Variants in ETNK1 observed in about 807,000 individuals in gnomAD.
The protein encoded by ETNK1 is putative protein product of Nbla10396.
A neutral mutation model predicts 45.1 loss-of-function variants in ETNK1; 8 were observed. The ratio of observed to expected loss-of-function variants is 0.18; its 90% CI spans 0.10 to 0.32. The LOEUF (loss-of-function observed/expected upper bound fraction) is 0.32. Among genes scored for constraint, ETNK1 ranks in the 10% least tolerant of loss-of-function variants. The probability of loss-of-function intolerance (pLI) is 1.00; values close to 1 mark genes in which losing one functional copy is unlikely to be tolerated. For synonymous variants in ETNK1, 152 were observed against 151.9 expected, an observed-to-expected ratio of 1.00 and a Z score of -0.01; for missense variants, 302 against 430.6, an observed-to-expected ratio of 0.70 and a Z score of 2.64.
intron 4 of ETNK1, among the ~76,000 whole-genome samples, chr12:22,663,663 G>A (rs529358128): frequency 1.3e-5 from 2 of 152,146 alleles, no homozygotes; most frequent in South Asian, 4.1e-4. Flanking sequence ...ATTTGTTTTT[G>A]TGCCAAGTTA....
At position 22,638,803 on chromosome 12, in the gene ETNK1, T is replaced by C. The variant is rs555438302; in HGVS notation, c.157-4960T>C. 3 of 152,312 alleles carry C rather than the reference T, an allele frequency of 2.0e-5. No individual in the cohort carries two copies. The South Asian group carries it at 6.2e-4, about 32-fold the overall frequency. 9.4% of individuals were successfully genotyped at this position (152,312 alleles called of 1,614,324 possible). ...GAGAGAATAAAATATTCATATATTA[T>C]CCAGAATCCGTATTTGCTTCATTTT... is the stretch of plus-strand genomic sequence containing the variant. On this transcript the variant is annotated intron_variant, in intron 1 of 7. Transcript: ENST00000266517.
At chr12:22,683,003 C>T (rs867764677) in intron 6 of ETNK1, among the ~76,000 whole-genome samples, 8 of 152,152 alleles carry the variant, frequency 5.3e-5, no homozygotes, top group Non-Finnish European at 1.2e-4. Context: ...CATTTTTAAT[C>T]ATTCTGGTTT....
chr12:22,627,530 G>C (rs1953518461), intron 1 of ETNK1, among the ~76,000 whole-genome samples: 1 of 152,106 alleles, frequency 6.6e-6, no homozygotes. Flanking sequence ...CAACTCAGTA[G>C]ATCTGGCTCC....
At chr12:22,652,680 C>A (rs1475348556) in intron 2 of ETNK1, among the ~76,000 whole-genome samples, 1 of 152,088 alleles carries the variant, frequency 6.6e-6, no homozygotes, top group Non-Finnish European at 1.5e-5. Context: ...CCTATTTTCT[C>A]ATGGGGTTGT....
chr12:22,678,230 C>T (rs142383515), intron 6 of ETNK1, among the ~76,000 whole-genome samples: 1 of 152,166 alleles, frequency 6.6e-6, no homozygotes. Flanking sequence ...TAAAAGGAAA[C>T]CCTGAATCTT....
intron 1 of ETNK1, among the ~76,000 whole-genome samples, chr12:22,640,809 T>G (rs1953726651): frequency 6.6e-6 from 1 of 152,202 alleles, no homozygotes; most frequent in Non-Finnish European, 1.5e-5. Context: ...ACTCTGGCTC[T>G]GTAGCTCATC....
At chr12:22,629,394 A>G (rs187615045) in intron 1 of ETNK1, among the ~76,000 whole-genome samples, 33 of 152,210 alleles carry the variant, frequency 2.2e-4, no homozygotes, top group African/African-American at 7.9e-4. Flanking sequence ...AAGCATATGT[A>G]TTCTATCATG....
At chr12:22,676,920 A>C (rs1407735330) in intron 6 of ETNK1, among the ~76,000 whole-genome samples, 1 of 151,888 alleles carries the variant, frequency 6.6e-6, no homozygotes, top group Non-Finnish European at 1.5e-5. Flanking sequence ...CCTTTGTCAC[A>C]TGGATGGATT....
chr12:22,655,045 C>T (rs1253638675), intron 2 of ETNK1, among the ~76,000 whole-genome samples: 2 of 152,236 alleles, frequency 1.3e-5, no homozygotes, highest in Non-Finnish European at 2.9e-5. Context: ...TCTCAGCTCA[C>T]TGAACCTCCC....
chr12:22,631,865 A>T (rs1183569286), intron 1 of ETNK1, among the ~76,000 whole-genome samples: 3 of 152,200 alleles, frequency 2.0e-5, no homozygotes, highest in Admixed American at 2.0e-4. Flanking sequence ...TTACTCTTTG[A>T]TATACCAGAT....
rs772584921 is a variant in ETNK1 at position 22,625,195 on chromosome 12, A to G, written c.-236A>G. 4.4e-6 allele frequency: 7 copies of G among 1,608,842 alleles called. No individual in the cohort carries two copies. On this transcript the variant is annotated 5_prime_UTR_variant, in exon 1 of 8. Transcript: ENST00000266517. ...TGCGGCCGCCCGCGGTCCAGCTCCGACAACAGGAATTTTCTCCGAGAGCGG... is the reference window on the plus strand; with the variant it reads ...TGCGGCCGCCCGCGGTCCAGCTCCGGCAACAGGAATTTTCTCCGAGAGCGG...
intron 1 of ETNK1, among the ~76,000 whole-genome samples, chr12:22,637,008 G>A (rs1953664198): frequency 6.6e-6 from 1 of 152,222 alleles, no homozygotes; most frequent in South Asian, 2.1e-4. Context: ...AGGGGATACA[G>A]TGGGACCATT....
chr12:22,677,720 T>C (rs1285960822), intron 6 of ETNK1, among the ~76,000 whole-genome samples: 1 of 152,234 alleles, frequency 6.6e-6, no homozygotes, highest in African/African-American at 2.4e-5. Flanking sequence ...GAAGAGGTCT[T>C]TCACATCCCT....
chr12:22,625,336 C>G lies in ETNK1; in HGVS notation c.-95C>G. 1.3e-6 allele frequency: 2 copies of G among 1,586,030 alleles called. No homozygotes were observed. The highest frequency in any genetic ancestry group is 1.7e-6 in the Non-Finnish European group (2 of 1,168,282). On this transcript the variant is annotated 5_prime_UTR_variant, in exon 1 of 8. Transcript: ENST00000266517. ...CCCCCAGCCCTCCCGCGAGGGCGCC[C>G]CGGGACGGAAGGATCCACCAGTCTG...
At chr12:22,658,706 C>G (rs2137554205) in intron 2 of ETNK1, among the ~76,000 whole-genome samples, 1 of 152,214 alleles carries the variant, frequency 6.6e-6, no homozygotes, top group African/African-American at 2.4e-5. Flanking sequence ...TTAAGAGTAA[C>G]ATCAAAGTAA....
intron 2 of ETNK1, 152 bp downstream of exon 2, chr12:22,644,174 C>T: frequency 1.3e-6 from 2 of 1,539,576 alleles, no homozygotes; most frequent in East Asian, 2.3e-5. Context: ...TCTTGTTTTC[C>T]CTAAAAAGAT....
intron 1 of ETNK1, among the ~76,000 whole-genome samples, chr12:22,636,797 A>G (rs1426643226): frequency 6.6e-6 from 1 of 152,226 alleles, no homozygotes; most frequent in Admixed American, 6.5e-5. Flanking sequence ...ATTAGAAGTA[A>G]TCTAGTGATG....
At chr12:22,669,498 T>G (rs1174761887) in intron 4 of ETNK1, among the ~76,000 whole-genome samples, 1 of 152,142 alleles carries the variant, frequency 6.6e-6, no homozygotes, top group Non-Finnish European at 1.5e-5. Context: ...TTTCATGACA[T>G]TTGTAATTTC....
intron 4 of ETNK1, among the ~76,000 whole-genome samples, chr12:22,670,826 T>G (rs992157110): frequency 9.2e-5 from 14 of 152,236 alleles, no homozygotes; most frequent in African/African-American, 3.4e-4. Flanking sequence ...GTTTATATTT[T>G]ATTTCCATAT....
Sources: gnomAD v4.1 joint callset for allele counts (sites outside exome capture counted in the v4.1 genomes callset) on GRCh38, gnomAD v4.1.1 for gene constraint, MANE v1.5 for transcripts, NCBI Gene and HGNC (gene_info 2026-07-23, HGNC 2026-07-21) for gene names.